LCT: variants seen among roughly 807,000 people sequenced by gnomAD.
LCT encodes lactase, also known as lactase/phlorizin hydrolase.
A neutral mutation model predicts 173.0 loss-of-function variants in LCT; 90 were observed. That is an observed-to-expected ratio of 0.52 (90% CI 0.44 to 0.62). LCT has a LOEUF of 0.62. Ranked by LOEUF, LCT falls within the 20% of genes least tolerant of loss-of-function variation. The pLI, the probability that LCT is intolerant of heterozygous loss-of-function variation, is 0.00. For missense variants in LCT, 1,864 were observed against 2,431.4 expected, an observed-to-expected ratio of 0.77 and a Z score of 4.91; for synonymous variants, 853 against 957.6, an observed-to-expected ratio of 0.89 and a Z score of 2.02.
chr2:135,799,930 G>A (rs1297028892), intron 12 of LCT, among the ~76,000 whole-genome samples: 4 of 152,214 alleles, frequency 2.6e-5, no homozygotes, highest in Admixed American at 6.5e-5. Context: ...TAAAGGTGAC[G>A]TGTGACACTG....
At chr2:135,802,433 T>C (rs61470941) in intron 11 of LCT, among the ~76,000 whole-genome samples, 24,583 of 152,228 alleles carry the variant, frequency 0.16, 2,414 homozygotes, top group South Asian at 0.33. Context: ...TGCATCACTG[T>C]TACAATGGCC....
chr2:135,795,693 G>T (rs1454399018), intron 13 of LCT, among the ~76,000 whole-genome samples: 1 of 151,456 alleles, frequency 6.6e-6, no homozygotes, highest in African/African-American at 2.4e-5. Context: ...GAGTATTTGA[G>T]TTTGAATTTC....
At chr2:135,834,102 G>A (rs1421387268) in intron 1 of LCT, among the ~76,000 whole-genome samples, 1 of 151,624 alleles carries the variant, frequency 6.6e-6, no homozygotes, top group Non-Finnish European at 1.5e-5. Flanking sequence ...GCCACGTCTC[G>A]TTTATCCATT....
At chr2:135,821,713 C>T (rs749869963) in intron 5 of LCT, 3 of 397,362 alleles carry the variant, frequency 7.5e-6, no homozygotes, top group Non-Finnish European at 1.4e-5. Context: ...CAGTCTTGAA[C>T]TCCTGGACTC....
intron 2 of LCT, among the ~76,000 whole-genome samples, chr2:135,831,811 T>A (rs1296181238): frequency 1.3e-5 from 2 of 152,164 alleles, no homozygotes; most frequent in Admixed American, 1.3e-4. Context: ...ACCAGGGCGA[T>A]GCTGCAGAAC....
At position 135,829,697 on chromosome 2, in the gene LCT, G is replaced by A. The variant is rs775095601; in HGVS notation, c.721-21C>T. 10 of 1,533,452 alleles carry A rather than the reference G, an allele frequency of 6.5e-6. No homozygotes were observed. In the South Asian group the frequency reaches 1.1e-4, roughly 17 times the overall value. The allele number at this position is 1,533,452 out of a possible 1,614,324, so 95.0% of individuals were successfully genotyped here. A position where few individuals can be genotyped will look rare whatever the true frequency, so the allele number is the denominator to read the frequency against. Reference sequence around the variant, plus strand: ...GTGTCCTGAAAATAGTAGTTAAATAGGGTCATTAGAACCTAAGCACTGTCA... The same window carrying A: ...GTGTCCTGAAAATAGTAGTTAAATAAGGTCATTAGAACCTAAGCACTGTCA... On this transcript the variant is annotated intron_variant, in intron 2 of 16. Coordinates refer to ENST00000264162, the MANE Select transcript of LCT (RefSeq NM_002299.4).
intron 9 of LCT, among the ~76,000 whole-genome samples, 172 bp downstream of exon 9, chr2:135,806,956 G>A (rs1290628174): frequency 6.6e-6 from 1 of 152,214 alleles, no homozygotes; most frequent in Non-Finnish European, 1.5e-5. Context: ...GTAAATTTGG[G>A]GGTGTGAAGA....
At chr2:135,792,161 C>G (rs1032629594) in intron 14 of LCT, among the ~76,000 whole-genome samples, 31 of 152,122 alleles carry the variant, frequency 2.0e-4, no homozygotes, top group Non-Finnish European at 4.0e-4. Flanking sequence ...TTTAACCTTA[C>G]CTAGAGCGCA....
At chr2:135,808,074 T>A (rs2077692617) in intron 8 of LCT, among the ~76,000 whole-genome samples, 1 of 151,920 alleles carries the variant, frequency 6.6e-6, no homozygotes, top group Non-Finnish European at 1.5e-5. Context: ...TAACACAACT[T>A]TCTTGTTCTG....
In LCT at chr2:135,822,081, C is replaced by A; in HGVS notation, c.925G>T (p.Val309Leu). 6.2e-7 allele frequency: 1 copy of A among 1,601,182 alleles called. No homozygotes were observed. Among genetic ancestry groups the A allele is most frequent in the Non-Finnish European group, 8.6e-7 (1 of 1,168,184 alleles). ...SLFEAINKDQVLTIGFDINEF... is the reference protein window; with the variant it reads ...SLFEAINKDQLLTIGFDINEF... ...TTAATATCAAACCCAATGGTGAGCA[C>A]TTGGTCTTTATTTATGGCTGTAAGA... is the stretch of plus-strand genomic sequence containing the variant. The change falls in exon 5 of 17, where the codon GTG (valine) becomes TTG (leucine). Residue 309 changes from valine to leucine, a missense_variant. By Grantham distance (32) the Val-to-Leu change is conservative. Transcript: ENST00000264162.
chr2:135,795,796 G>T (rs574920520), intron 13 of LCT, among the ~76,000 whole-genome samples: 1 of 148,922 alleles, frequency 6.7e-6, no homozygotes, highest in Non-Finnish European at 1.5e-5. Flanking sequence ...GACACTGCAC[G>T]CCCCCTGAGG....
chr2:135,817,887 G>A lies in LCT; in HGVS notation c.1161C>T (p.Leu387=). The change falls in exon 6 of 17, where the codon CTC becomes CTT. Residue 387 remains leucine, a synonymous_variant. Coordinates refer to ENST00000264162, the MANE Select transcript of LCT (RefSeq NM_002299.4). Reference sequence around the variant, plus strand: ...TAAAGGCTCCTGTGGAGGCACCCCAGAGGAAGCCTTCAGGGAAAGTATCCT... The same window carrying A: ...TAAAGGCTCCTGTGGAGGCACCCCAAAGGAAGCCTTCAGGGAAAGTATCCT... The part of the protein sequence containing the change: ...FLQDTFPEGF[L]WGASTGAFNV... The A allele has an allele frequency of 6.2e-7, 1 of 1,613,854 alleles. No homozygotes were observed. The highest frequency in any genetic ancestry group is 8.5e-7 in the Non-Finnish European group (1 of 1,179,910).
rs112347136 is a variant in LCT, at chr2:135,818,793, C to G, written c.987-732G>C. On this transcript the variant is annotated intron_variant, in intron 5 of 16. Coordinates refer to ENST00000264162, the MANE Select transcript of LCT (RefSeq NM_002299.4). Reference sequence around the variant, plus strand: ...CAGAGGTTGTGGTGAGCTGAGATCACGCCATTGCACTCCAGCCTGGGCAAC... The same window carrying G: ...CAGAGGTTGTGGTGAGCTGAGATCAGGCCATTGCACTCCAGCCTGGGCAAC... Among the ~76,000 whole-genome samples, 15 of 152,212 alleles carry G rather than the reference C, an allele frequency of 9.9e-5. 1 individual carries two copies. Among genetic ancestry groups the G allele is most frequent in the African/African-American group, 3.6e-4 (15 of 41,530 alleles).
chr2:135,833,097 T>G lies in LCT; in HGVS notation c.720+14A>C. ...TCCTCAGATGTTACAGGTATATTTTTGGGCTGCTGTCACCTGGGCAAGCGC... is the reference window on the plus strand; with the variant it reads ...TCCTCAGATGTTACAGGTATATTTTGGGGCTGCTGTCACCTGGGCAAGCGC... On this transcript the variant is annotated intron_variant, in intron 2 of 16. Transcript: ENST00000264162. The G allele has an allele frequency of 2.5e-6, 4 of 1,596,248 alleles. No individual in the cohort carries two copies. Among genetic ancestry groups the G allele is most frequent in the Non-Finnish European group, 3.4e-6 (4 of 1,163,822 alleles).
At chr2:135,788,853 A>T (rs531475068) in intron 16 of LCT, among the ~76,000 whole-genome samples, 6 of 152,370 alleles carry the variant, frequency 3.9e-5, no homozygotes, top group Non-Finnish European at 7.3e-5. Context: ...TTGCATATAC[A>T]TAATGAGATA....
At position 135,812,411 on chromosome 2, in the gene LCT, G is replaced by T. The variant is rs1421008774; in HGVS notation, c.2253C>A (p.Tyr751Ter). Residue 751 changes from tyrosine (Y) to a stop codon, truncating the protein, a stop_gained, in exon 7 of 17, where the codon TAC (tyrosine) becomes TAA (stop). Transcript: ENST00000264162. LOFTEE classifies it high-confidence loss of function. Reference sequence around the variant, plus strand: ...CTATGGGCATGCCATTCCCGGCAAGGTATATTGGAACTTTTCCTCTTGTGT... The same window carrying T: ...CTATGGGCATGCCATTCCCGGCAAGTTATATTGGAACTTTTCCTCTTGTGT... Reference protein sequence around the residue: ...LEYTRGKVPIYLAGNGMPIGE... With the variant: ...LEYTRGKVPI 6.2e-7 allele frequency: 1 copy of T among 1,614,136 alleles called. No individual in the cohort carries two copies.
rs2105533887 is a variant in LCT, at chr2:135,809,178, C to T, written c.3169G>A (p.Val1057Ile). 3.7e-6 allele frequency: 6 copies of T among 1,614,234 alleles called. No individual in the cohort carries two copies. The South Asian group carries it at 5.5e-5, about 15-fold the overall frequency. The part of the protein sequence containing the change: ...DFCFQTFGDR[V>I]KFWMTFNEPM... ...TCATTAAAAGTCATCCAAAACTTGA[C>T]TCTATCACCAAAGGTCTGGAAACAA... The change falls in exon 8 of 17, where the codon GTC becomes ATC. Residue 1057 changes from valine (V) to isoleucine (I), a missense_variant. Coordinates refer to ENST00000264162, the MANE Select transcript of LCT (RefSeq NM_002299.4). The surrounding 1 kb of genome is among the most constrained non-coding windows in gnomAD (Gnocchi z 5.5).
At chr2:135,822,480 T>C (rs2077842681) in intron 4 of LCT, 1 of 227,006 alleles carries the variant, frequency 4.4e-6, no homozygotes, top group South Asian at 6.9e-5. Context: ...TTGGGAACAA[T>C]TGATTTAGAA....
At chr2:135,795,619 A>ATAATAATAC (rs1251119076) in intron 13 of LCT, among the ~76,000 whole-genome samples, 22 of 150,762 alleles carry the variant, frequency 1.5e-4, no homozygotes, top group Admixed American at 6.6e-4. Context: ...AATAATAATA[A>ATAATAATAC]TAATAATAAT....
Sources: gnomAD v4.1 joint callset for allele counts (sites outside exome capture counted in the v4.1 genomes callset) on GRCh38, gnomAD v4.1.1 for gene constraint, Gnocchi (gnomAD v3.1) non-coding constraint, MANE v1.5 for transcripts, NCBI Gene and HGNC (gene_info 2026-07-23, HGNC 2026-07-21) for gene names.